Variants in TANC2 observed in about 807,000 individuals in gnomAD.
The protein encoded by TANC2 is tetratricopeptide repeat, ankyrin repeat and coiled-coil containing 2.
Under a neutral mutation model 210.5 loss-of-function variants are expected in TANC2, and 26 were observed. That is an observed-to-expected ratio of 0.12 (90% CI 0.09 to 0.17). TANC2 has a LOEUF of 0.17. TANC2 is among the 10% of genes least tolerant of loss of function. The pLI is 1.00. For synonymous variants in TANC2, 931 were observed against 967.1 expected, an observed-to-expected ratio of 0.96 and a Z score of 0.69; for missense variants, 2,129 against 2,608.9, an observed-to-expected ratio of 0.82 and a Z score of 4.01.
intron 19 of TANC2, among the ~76,000 whole-genome samples, chr17:63,399,981 G>A (rs941709027): frequency 3.3e-5 from 5 of 152,352 alleles, no homozygotes; most frequent in African/African-American, 1.2e-4. Context: ...AAAGGAAAGT[G>A]TACAGCTGGA....
chr17:63,350,876 GAA>G (rs374621938), intron 12 of TANC2, among the ~76,000 whole-genome samples: 2,396 of 121,336 alleles, frequency 0.02, 57 homozygotes, highest in African/African-American at 0.062. Context: ...GTCAGATAGG[GAA>G]AAAAAAAAAA....
intron 2 of TANC2, among the ~76,000 whole-genome samples, chr17:63,050,999 G>A (rs2144384263): frequency 6.6e-6 from 1 of 152,266 alleles, no homozygotes; most frequent in South Asian, 2.1e-4. Context: ...GCTTATGGCA[G>A]TGATCTCTTT....
At chr17:63,408,326 C>T (rs752089256) in intron 21 of TANC2, among the ~76,000 whole-genome samples, 1 of 152,168 alleles carries the variant, frequency 6.6e-6, no homozygotes, top group Admixed American at 6.5e-5. Context: ...ATTTCATTAA[C>T]TGCATGAGAA....
At chr17:63,332,613 A>T (rs1448753439) in intron 11 of TANC2, 1 of 217,368 alleles carries the variant, frequency 4.6e-6, no homozygotes, top group Non-Finnish European at 9.1e-6. Context: ...AGTGACATAC[A>T]GCTTGTCTTC....
intron 11 of TANC2, among the ~76,000 whole-genome samples, chr17:63,321,167 T>C (rs550128230): frequency 1.3e-5 from 2 of 151,992 alleles, no homozygotes; most frequent in South Asian, 2.1e-4. Context: ...CACTGCACTT[T>C]AGCCTGGGCA....
At chr17:63,387,203 G>A (rs1370672121) in intron 15 of TANC2, among the ~76,000 whole-genome samples, 1 of 151,924 alleles carries the variant, frequency 6.6e-6, no homozygotes, top group Non-Finnish European at 1.5e-5. Context: ...GGTTGCATCA[G>A]AATATCCCCA....
chr17:63,177,264 C>CA (rs755034454), intron 5 of TANC2, among the ~76,000 whole-genome samples: 16,950 of 73,234 alleles, frequency 0.23, 2,122 homozygotes, highest in Non-Finnish European at 0.27. Flanking sequence ...GACTCTGTCT[C>CA]AAAAAAAAAA....
At chr17:63,187,403 G>A (rs557127780) in intron 5 of TANC2, among the ~76,000 whole-genome samples, 10 of 152,258 alleles carry the variant, frequency 6.6e-5, no homozygotes, top group East Asian at 3.9e-4. Context: ...CTTAGGAATA[G>A]TACCTGGCAT....
At position 63,254,554 on chromosome 17, in the gene TANC2, G is replaced by C. The variant is rs182647990; in HGVS notation, c.1034-13194G>C. 8.3e-4 allele frequency among the ~76,000 whole-genome samples: 126 copies of C among 152,214 alleles called. 6 individuals carry two copies. In the East Asian group the frequency reaches 0.011, roughly 13 times the overall value. ...AAGTGGGCATCCTTGTCTTGTTCTA[G>C]TTCTTGGAGGAAAGGCTTTTAGTTT... On this transcript the variant is annotated intron_variant, in intron 8 of 27. Coordinates refer to ENST00000689528, the Ensembl canonical transcript of TANC2.
chr17:63,052,725 A>G (rs1338980915), intron 2 of TANC2, among the ~76,000 whole-genome samples: 1 of 152,072 alleles, frequency 6.6e-6, no homozygotes, highest in Non-Finnish European at 1.5e-5. Context: ...GAGATACATA[A>G]TCTTTTCCAG....
intron 1 of TANC2, among the ~76,000 whole-genome samples, chr17:63,005,806 T>G (rs1009488889): frequency 5.9e-5 from 9 of 152,040 alleles, no homozygotes; most frequent in Non-Finnish European, 7.4e-5. Flanking sequence ...CTTTTTCTTT[T>G]ATTTTCTTAA....
intron 10 of TANC2, 84 bp downstream of exon 10, chr17:63,314,753 T>C (rs1362898832): frequency 5.3e-6 from 8 of 1,504,688 alleles, no homozygotes; most frequent in Non-Finnish European, 7.1e-6. Flanking sequence ...TATATCCTTT[T>C]ATTTTCTCAT....
chr17:63,368,738 T>G (rs2047179967), intron 14 of TANC2, among the ~76,000 whole-genome samples: 2 of 152,148 alleles, frequency 1.3e-5, no homozygotes, highest in African/African-American at 4.8e-5. Context: ...TTCCCATAAG[T>G]TAAAAACTAC....
chr17:63,208,384 GTC>G (rs1433062935), intron 7 of TANC2, among the ~76,000 whole-genome samples: 1 of 152,114 alleles, frequency 6.6e-6, no homozygotes, highest in African/African-American at 2.4e-5. Context: ...TGGTAAATCA[GTC>G]TCTCCTTATA....
intron 7 of TANC2, among the ~76,000 whole-genome samples, chr17:63,217,013 T>C (rs1422323444): frequency 6.6e-6 from 1 of 152,202 alleles, no homozygotes; most frequent in East Asian, 1.9e-4. Flanking sequence ...TTAACAATAT[T>C]TTAAATTAAA....
At chr17:63,277,774 G>A (rs960100939) in intron 9 of TANC2, among the ~76,000 whole-genome samples, 3 of 151,322 alleles carry the variant, frequency 2.0e-5, no homozygotes, top group Non-Finnish European at 4.4e-5. Flanking sequence ...CCAACACAAT[G>A]CTTAATGAAT....
At chr17:62,986,851 G>C (rs944331382) in intron 1 of TANC2, among the ~76,000 whole-genome samples, 9 of 152,044 alleles carry the variant, frequency 5.9e-5, no homozygotes, top group African/African-American at 2.2e-4. Context: ...CTGCAGAGCT[G>C]TTCCTCAGGC....
intron 4 of TANC2, chr17:63,120,587 G>A (rs1436308076): frequency 6.6e-6 from 1 of 152,110 alleles, no homozygotes; most frequent in Non-Finnish European, 1.5e-5. Flanking sequence ...GCTGATGTGG[G>A]TGGATTGCTT....
chr17:63,323,709 GTACATCAT>G (rs1277581757), intron 11 of TANC2, among the ~76,000 whole-genome samples: 1 of 152,056 alleles, frequency 6.6e-6, no homozygotes. Context: ...ACCCTATGAG[GTACATCAT>G]TATCTCATTT....
Sources: allele counts gnomAD v4.1 joint callset (sites outside exome capture counted in the v4.1 genomes callset), GRCh38; gene constraint gnomAD v4.1.1; transcripts MANE v1.5; gene names NCBI Gene and HGNC (gene_info 2026-07-23, HGNC 2026-07-21).